Variants in CNTNAP5 observed in about 807,000 individuals in gnomAD.
CNTNAP5 encodes the protein contactin associated protein family member 5, also known as contactin-associated protein-like 5.
Under a neutral mutation model 150.2 loss-of-function variants are expected in CNTNAP5, and 72 were observed. The observed-to-expected ratio is 0.48, with a 90% CI of 0.40 to 0.58. CNTNAP5 has a LOEUF of 0.58. CNTNAP5 is among the 20% of genes least tolerant of loss of function. The probability of loss-of-function intolerance (pLI) is 0.00; values close to 1 mark genes in which losing one functional copy is unlikely to be tolerated. For synonymous variants in CNTNAP5, 672 were observed against 619.8 expected (o/e 1.08, Z -1.25); for missense variants, 1,636 against 1,626.2 (o/e 1.01, Z -0.10).
At chr2:124,415,499 G>A (rs906680965) in intron 3 of CNTNAP5, among the ~76,000 whole-genome samples, 5 of 152,138 alleles carry the variant, frequency 3.3e-5, no homozygotes, top group Non-Finnish European at 5.9e-5. Flanking sequence ...TAAGGTTAAG[G>A]TCTTTGAAAA....
intron 3 of CNTNAP5, among the ~76,000 whole-genome samples, chr2:124,405,050 G>C (rs1403099476): frequency 6.6e-6 from 1 of 151,988 alleles, no homozygotes; most frequent in Non-Finnish European, 1.5e-5. Flanking sequence ...GGCGGGTGGG[G>C]GCGGCTGGGG....
At chr2:124,836,332 A>G (rs1250765533) in intron 19 of CNTNAP5, among the ~76,000 whole-genome samples, 2 of 152,174 alleles carry the variant, frequency 1.3e-5, no homozygotes, top group African/African-American at 2.4e-5. Context: ...TAGGACAGAT[A>G]TTGATATCAT....
rs1190827536 is a variant in CNTNAP5 at position 124,763,687 on chromosome 2, C to A, written c.2250C>A (p.Gly750=). The change falls in exon 15 of 24, where the codon GGC becomes GGA. Residue 750 remains glycine, a synonymous_variant. Coordinates refer to ENST00000682447, the MANE Select transcript of CNTNAP5 (RefSeq NM_001367498.1). Reference sequence around the variant, plus strand: ...TGTTTTGCAGGACAAATGATACTGGCTTTCTTTCCTTCAAAGACCACTTGC... The same window carrying A: ...TGTTTTGCAGGACAAATGATACTGGATTTCTTTCCTTCAAAGACCACTTGC... The part of the protein sequence containing the change: ...ADKDEWTNDT[G]FLSFKDHLPV... 3.7e-6 allele frequency: 6 copies of A among 1,612,258 alleles called. No homozygotes were observed. The highest frequency in any genetic ancestry group is 5.1e-6 in the Non-Finnish European group (6 of 1,179,062).
At chr2:124,341,151 A>C (rs1689605309) in intron 3 of CNTNAP5, among the ~76,000 whole-genome samples, 1 of 152,200 alleles carries the variant, frequency 6.6e-6, no homozygotes, top group South Asian at 2.1e-4. Flanking sequence ...ATCCATAAAA[A>C]GTCTGTCTGG....
At chr2:124,719,458 G>A (rs2105114180) in intron 13 of CNTNAP5, among the ~76,000 whole-genome samples, 1 of 152,262 alleles carries the variant, frequency 6.6e-6, no homozygotes, top group East Asian at 1.9e-4. Flanking sequence ...GCTGAACCGA[G>A]TAGTAAGTTT....
intron 12 of CNTNAP5, among the ~76,000 whole-genome samples, chr2:124,617,487 A>G (rs899944650): frequency 1.3e-5 from 2 of 152,028 alleles, no homozygotes; most frequent in African/African-American, 4.8e-5. Context: ...AGAGATTGCT[A>G]CCCTGCCTTC....
At chr2:124,195,203 G>T (rs1282842198) in intron 1 of CNTNAP5, among the ~76,000 whole-genome samples, 2 of 152,200 alleles carry the variant, frequency 1.3e-5, no homozygotes, top group Non-Finnish European at 2.9e-5. Context: ...GTATGGCCGG[G>T]TGTGGCCAAG....
At chr2:124,777,817 G>GTGTA (rs1681359497) in intron 17 of CNTNAP5, among the ~76,000 whole-genome samples, 1 of 139,808 alleles carries the variant, frequency 7.2e-6, no homozygotes, top group Non-Finnish European at 1.5e-5. Flanking sequence ...GTGTGTGTGT[G>GTGTA]TGTGTGTCAG....
chr2:124,243,773 A>G (rs2104770522), intron 3 of CNTNAP5, among the ~76,000 whole-genome samples: 1 of 152,244 alleles, frequency 6.6e-6, no homozygotes, highest in South Asian at 2.1e-4. Context: ...CAATTTACCC[A>G]TGTAACAAAC....
chr2:124,109,386 G>C (rs1014764871), intron 1 of CNTNAP5, among the ~76,000 whole-genome samples: 1 of 152,110 alleles, frequency 6.6e-6, no homozygotes, highest in Non-Finnish European at 1.5e-5. Flanking sequence ...GTTGGGGATG[G>C]TTACACATCC....
At position 124,725,561 on chromosome 2, in the gene CNTNAP5, T is replaced by C. The variant is rs1680139307; in HGVS notation, c.2078-21668T>C. On this transcript the variant is annotated intron_variant, in intron 13 of 23. Transcript: ENST00000682447. ...TTCCTCTCTCTCTCACTCTTTCTTT[T>C]TCTGTGTGTGGTGAGAACACTTAAG... Among the ~76,000 whole-genome samples, 6 of 151,848 alleles carry C rather than the reference T, an allele frequency of 4.0e-5. No homozygotes were observed. In the South Asian group the frequency reaches 1.0e-3, roughly 26 times the overall value.
At chr2:124,088,819 A>T (rs942934543) in intron 1 of CNTNAP5, among the ~76,000 whole-genome samples, 1 of 152,064 alleles carries the variant, frequency 6.6e-6, no homozygotes, top group East Asian at 1.9e-4. Context: ...GCTTTATTTG[A>T]CACCACTCAA....
intron 1 of CNTNAP5, among the ~76,000 whole-genome samples, chr2:124,182,756 A>G (rs1479772191): frequency 6.6e-6 from 1 of 152,122 alleles, no homozygotes; most frequent in Non-Finnish European, 1.5e-5. Flanking sequence ...TTTGTCTCCA[A>G]GGTATTAGGT....
At chr2:124,555,117 A>G (rs1695720191) in intron 10 of CNTNAP5, among the ~76,000 whole-genome samples, 1 of 152,098 alleles carries the variant, frequency 6.6e-6, no homozygotes, top group Non-Finnish European at 1.5e-5. Flanking sequence ...TAACTTGGGA[A>G]TGCTATTTTT....
chr2:124,300,810 T>C (rs1182970576), intron 3 of CNTNAP5, among the ~76,000 whole-genome samples: 2 of 152,174 alleles, frequency 1.3e-5, no homozygotes, highest in African/African-American at 4.8e-5. Flanking sequence ...TTTCTCCAGA[T>C]GATTAAACAA....
intron 7 of CNTNAP5, among the ~76,000 whole-genome samples, chr2:124,493,524 T>C (rs1202394997): frequency 6.6e-6 from 1 of 151,958 alleles, no homozygotes; most frequent in Non-Finnish European, 1.5e-5. Flanking sequence ...ATATTTTTAG[T>C]AGAGACGGGG....
chr2:124,605,938 G>A (rs1386502676), intron 11 of CNTNAP5, among the ~76,000 whole-genome samples: 1 of 150,712 alleles, frequency 6.6e-6, no homozygotes, highest in African/African-American at 2.4e-5. Context: ...AAGACATTCA[G>A]AAATGTCTCA....
At chr2:124,191,514 C>T (rs1685456550) in intron 1 of CNTNAP5, among the ~76,000 whole-genome samples, 1 of 152,030 alleles carries the variant, frequency 6.6e-6, no homozygotes, top group Non-Finnish European at 1.5e-5. Flanking sequence ...TATGTATAGT[C>T]AAGTTGGAGA....
At chr2:124,710,601 G>C (rs1346614983) in intron 13 of CNTNAP5, among the ~76,000 whole-genome samples, 1 of 152,096 alleles carries the variant, frequency 6.6e-6, no homozygotes, top group Admixed American at 6.6e-5. Flanking sequence ...GTGTGGTGCT[G>C]AAGATATGGC....
Sources: allele counts gnomAD v4.1 joint callset (sites outside exome capture counted in the v4.1 genomes callset), GRCh38; gene constraint gnomAD v4.1.1; transcripts MANE v1.5; gene names NCBI Gene and HGNC (gene_info 2026-07-23, HGNC 2026-07-21).